KIF14: variants seen among roughly 807,000 people sequenced by gnomAD.
KIF14 encodes kinesin family member 14.
Under a neutral mutation model 176.2 loss-of-function variants are expected in KIF14, and 98 were observed. That is an observed-to-expected ratio of 0.56 (90% CI 0.47 to 0.66). KIF14 has a LOEUF of 0.66. Among genes scored for constraint, KIF14 ranks in the 30% least tolerant of loss-of-function variants. The probability of loss-of-function intolerance (pLI) is 0.00; values close to 1 mark genes in which losing one functional copy is unlikely to be tolerated. For synonymous variants in KIF14, 566 were observed against 632.2 expected, an observed-to-expected ratio of 0.90 and a Z score of 1.57; for missense variants, 1,751 against 1,920.4, an observed-to-expected ratio of 0.91 and a Z score of 1.65.
Position 200,615,211 on chromosome 1 carries a change from T to G in KIF14, c.1367+144A>C, listed in dbSNP as rs544583983. 2.4e-5 allele frequency: 20 copies of G among 820,994 alleles called. No individual in the cohort carries two copies. In the East Asian group the frequency reaches 5.0e-4, roughly 21 times the overall value. The allele number at this position is 820,994 out of a possible 1,614,324, so 50.9% of individuals were successfully genotyped here. A position where few individuals can be genotyped will look rare whatever the true frequency, so the allele number is the denominator to read the frequency against. ...AGAGGCTAAGTAAATTGCCCAAGTT[T>G]GCAGAACTGGTATATAAAATGGATG... On this transcript the variant is annotated intron_variant, in intron 3 of 29. Coordinates refer to ENST00000367350, the MANE Select transcript of KIF14 (RefSeq NM_014875.3).
At chr1:200,562,781 C>A (rs944361972) in intron 25 of KIF14, among the ~76,000 whole-genome samples, 4 of 151,996 alleles carry the variant, frequency 2.6e-5, no homozygotes, top group African/African-American at 9.7e-5. Flanking sequence ...TCCACCCACC[C>A]CGCCACCCCT....
At chr1:200,611,056 C>A (rs1309023270) in intron 4 of KIF14, among the ~76,000 whole-genome samples, 1 of 152,162 alleles carries the variant, frequency 6.6e-6, no homozygotes, top group Admixed American at 6.5e-5. Context: ...CTGAGCTTCT[C>A]CTCCTTTTGA....
chr1:200,579,177 T>C (rs1480364909), intron 21 of KIF14, among the ~76,000 whole-genome samples: 1 of 151,996 alleles, frequency 6.6e-6, no homozygotes, highest in East Asian at 1.9e-4. Context: ...TTACTAGTTA[T>C]TACAGTACAG....
chr1:200,614,175 C>T (rs1660291574), intron 4 of KIF14, 143 bp downstream of exon 4: 4 of 524,004 alleles, frequency 7.6e-6, no homozygotes, highest in Non-Finnish European at 1.0e-5. Flanking sequence ...CCTCCCTCTC[C>T]ATACCACTGT....
At chr1:200,562,884 C>A (rs762343069) in intron 25 of KIF14, among the ~76,000 whole-genome samples, 2 of 152,160 alleles carry the variant, frequency 1.3e-5, no homozygotes, top group African/African-American at 2.4e-5. Context: ...AGTATCCAAC[C>A]AAACATCTAT....
At chr1:200,558,776 G>A (rs1656972475) in intron 27 of KIF14, among the ~76,000 whole-genome samples, 1 of 152,180 alleles carries the variant, frequency 6.6e-6, no homozygotes, top group Non-Finnish European at 1.5e-5. Context: ...ATAGAACCAG[G>A]TTTCAAATAC....
At chr1:200,555,273 A>G in intron 28 of KIF14, 107 bp downstream of exon 28, 1 of 691,170 alleles carries the variant, frequency 1.4e-6, no homozygotes, top group South Asian at 1.8e-5. Context: ...TATACAAAAG[A>G]GTTGTCTCTG....
chr1:200,588,613 G>A (rs1571518330), intron 18 of KIF14, among the ~76,000 whole-genome samples: 1 of 152,156 alleles, frequency 6.6e-6, no homozygotes, highest in Non-Finnish European at 1.5e-5. Context: ...TTCAAGAACC[G>A]CTAATAGAAA....
intron 18 of KIF14, 128 bp from the exon 19 acceptor site, chr1:200,586,355 C>T (rs1163675804): frequency 1.5e-6 from 1 of 648,356 alleles, no homozygotes; most frequent in East Asian, 2.8e-5. Context: ...TTTATATACC[C>T]CATAACATTG....
chr1:200,614,538 G>A, intron 3 of KIF14, 133 bp from the exon 4 acceptor site: 1 of 585,428 alleles, frequency 1.7e-6, no homozygotes, highest in Non-Finnish European at 3.0e-6. Flanking sequence ...GGACTCTGGA[G>A]TCAAATCTGC....
chr1:200,568,776 A>T (rs1428056995), intron 23 of KIF14, among the ~76,000 whole-genome samples: 1 of 152,092 alleles, frequency 6.6e-6, no homozygotes, highest in East Asian at 1.9e-4. Context: ...ACTTCATATA[A>T]AAGGAATCAT....
intron 21 of KIF14, among the ~76,000 whole-genome samples, chr1:200,579,405 G>A (rs1308086772): frequency 1.3e-5 from 2 of 151,982 alleles, no homozygotes; most frequent in Non-Finnish European, 1.5e-5. Context: ...TCAGGAGTTC[G>A]AGACCAGCCT....
chr1:200,575,709 T>C lies in KIF14; in HGVS notation c.3466-18A>G. The C allele has an allele frequency of 1.5e-6, 2 of 1,360,146 alleles. No individual in the cohort carries two copies. The highest frequency in any genetic ancestry group is 1.6e-5 in the South Asian group (1 of 61,836). The allele number at this position is 1,360,146 out of a possible 1,614,324, so 84.3% of individuals were successfully genotyped here. A position where few individuals can be genotyped will look rare whatever the true frequency, so the allele number is the denominator to read the frequency against. On this transcript the variant is annotated intron_variant, in intron 21 of 29. Transcript: ENST00000367350. ...CCATTACTCTAAGAAAAATATAATA[T>C]ATAGTTTCAGTAAATTTGGGGTGAA...
chr1:200,591,976 A>C lies in KIF14; in HGVS notation c.2813+104T>G. The C allele has an allele frequency of 4.2e-6, 4 of 943,396 alleles. No homozygotes were observed. In the East Asian group the frequency reaches 7.4e-5, roughly 18 times the overall value. 58.4% of individuals were successfully genotyped at this position (943,396 alleles called of 1,614,324 possible). On this transcript the variant is annotated intron_variant, in intron 16 of 29. Transcript: ENST00000367350. ...TAAGAGAAAAAATTATATCACTAGA[A>C]ACCAGCACCCAAAGAGTTAATTACT... is the stretch of plus-strand genomic sequence containing the variant.
intron 28 of KIF14, 33 bp from the exon 29 acceptor site, chr1:200,554,639 C>T: frequency 1.8e-6 from 2 of 1,124,456 alleles, no homozygotes; most frequent in Admixed American, 2.3e-5. Context: ...TAAAATAATA[C>T]ATTAACAGGC....
At chr1:200,596,535 T>G (rs906608769) in intron 14 of KIF14, among the ~76,000 whole-genome samples, 1 of 149,582 alleles carries the variant, frequency 6.7e-6, no homozygotes, top group East Asian at 2.0e-4. Context: ...ATTTAGAACA[T>G]CTCTATGACC....
chr1:200,603,647 C>T (rs1314136195), intron 9 of KIF14, among the ~76,000 whole-genome samples, 192 bp downstream of exon 9: 1 of 152,120 alleles, frequency 6.6e-6, no homozygotes, highest in Admixed American at 6.6e-5. Context: ...TTTCTTATGA[C>T]TCAAACGTAT....
chr1:200,589,665 T>A (rs1429659100), intron 17 of KIF14, among the ~76,000 whole-genome samples: 1 of 139,912 alleles, frequency 7.1e-6, no homozygotes, highest in East Asian at 2.0e-4. Flanking sequence ...CGCCACCAAC[T>A]TTTTTCTTTT....
intron 14 of KIF14, 55 bp downstream of exon 14, chr1:200,598,182 T>A: frequency 4.7e-6 from 7 of 1,477,710 alleles, no homozygotes; most frequent in Non-Finnish European, 5.6e-6. Context: ...GGAAACCACA[T>A]GTTATCAAGA....
Sources: allele counts gnomAD v4.1 joint callset (sites outside exome capture counted in the v4.1 genomes callset), GRCh38; gene constraint gnomAD v4.1.1; transcripts MANE v1.5; gene names NCBI Gene and HGNC (gene_info 2026-07-23, HGNC 2026-07-21).